BRPF3: variants seen among roughly 807,000 people sequenced by gnomAD.
BRPF3 encodes bromodomain and PHD finger-containing protein 3.
BRPF3 carries 18 observed loss-of-function variants against 102.0 expected under a neutral mutation model. The observed-to-expected ratio is 0.18, with a 90% CI of 0.12 to 0.26. BRPF3 has a LOEUF of 0.26. BRPF3 is among the 10% of genes least tolerant of loss of function. The pLI is 1.00. For missense variants in BRPF3, 1,147 were observed against 1,567.8 expected (o/e 0.73, Z 4.53); for synonymous variants, 570 against 614.2 (o/e 0.93, Z 1.06).
Position 36,230,530 on chromosome 6 carries a change from A to G in BRPF3, c.3539A>G (p.Gln1180Arg). ...GRKTSIRKSV[Q>R]VAYDRAMIHL... ...AAGACCAGCATCCGCAAGTCAGTGC[A>G]GGTGGCCTATGACCGTGCGATGATC... is the stretch of plus-strand genomic sequence containing the variant. Residue 1180 changes from glutamine to arginine, a missense_variant, in exon 13 of 13, where the codon CAG (glutamine) becomes CGG (arginine). Physicochemically the swap from Gln to Arg is conservative, Grantham distance 43. Transcript: ENST00000357641. This position sits in a 1 kb window ranked among gnomAD's most constrained non-coding sequence, Gnocchi z 5.4. 1.9e-6 allele frequency: 3 copies of G among 1,614,224 alleles called. No homozygotes were observed. Among genetic ancestry groups the G allele is most frequent in the Non-Finnish European group, 2.5e-6 (3 of 1,180,022 alleles).
Position 36,200,533 on chromosome 6 carries a change from A to C in BRPF3, c.211A>C (p.Ile71Leu). The C allele has an allele frequency of 1.2e-6, 2 of 1,614,258 alleles. No individual in the cohort carries two copies. Among genetic ancestry groups the C allele is most frequent in the Non-Finnish European group, 1.7e-6 (2 of 1,180,056 alleles). The change falls in exon 2 of 13, where the codon ATC becomes CTC. Residue 71 changes from isoleucine to leucine, a missense_variant. Around this residue, in one of 11 missense-constraint regions of BRPF3, gnomAD observed 221 missense variants for 337.1 expected, o/e 0.66. Transcript: ENST00000357641. The surrounding 1 kb of genome is among the most constrained non-coding windows in gnomAD (Gnocchi z 5.3). Reference protein sequence around the residue: ...ITEDELTAQDITECNSNKENS... With the variant: ...ITEDELTAQDLTECNSNKENS... ...TGAAGATGAGCTAACTGCCCAGGAT[A>C]TCACCGAATGCAATAGTAACAAGGA...
chr6:36,219,859 C>A (rs963853610), intron 9 of BRPF3, among the ~76,000 whole-genome samples: 1 of 152,168 alleles, frequency 6.6e-6, no homozygotes, highest in East Asian at 1.9e-4. Context: ...TAACCCATCC[C>A]CCACACTCCC....
At position 36,200,888 on chromosome 6, in the gene BRPF3, A is replaced by G. The variant is rs1047819954; in HGVS notation, c.566A>G (p.Asp189Gly). Residue 189 changes from aspartate to glycine, a missense_variant, in exon 2 of 13, where the codon GAC becomes GGC. This residue lies in a region of BRPF3 where 221 missense variants were observed against 337.1 expected (regional missense o/e 0.66). Transcript: ENST00000357641. This position sits in a 1 kb window ranked among gnomAD's most constrained non-coding sequence, Gnocchi z 5.3. ...VSADTFELLV[D>G]RLEKESYLES... ...GCAGATACCTTTGAGCTGCTGGTAG[A>G]CCGGCTTGAGAAAGAGTCATACTTG... 2 of 1,614,078 alleles carry G rather than the reference A, an allele frequency of 1.2e-6. No individual in the cohort carries two copies. The highest frequency in any genetic ancestry group is 2.7e-5 in the African/African-American group (2 of 74,918).
rs1228356735 is a variant in BRPF3 at position 36,207,176 on chromosome 6, G to A, written c.1606-137G>A. ...TCAGGAGGAAGGCATGGGGTAGAGA[G>A]GGGTGGAAGGGCTCTTGGAACTGTG... On this transcript the variant is annotated intron_variant, in intron 3 of 12. Coordinates refer to ENST00000357641, the MANE Select transcript of BRPF3 (RefSeq NM_015695.3). The A allele has an allele frequency of 4.7e-6, 5 of 1,060,968 alleles. No homozygotes were observed. The East Asian group carries it at 1.2e-4, about 26-fold the overall frequency. 65.7% of individuals were successfully genotyped at this position (1,060,968 alleles called of 1,614,324 possible).
intron 1 of BRPF3, among the ~76,000 whole-genome samples, chr6:36,199,213 TCAGCGGCTG>T (rs1435057975): frequency 6.6e-6 from 1 of 152,178 alleles, no homozygotes; most frequent in East Asian, 1.9e-4. Flanking sequence ...TCCTGTCAGA[TCAGCGGCTG>T]CTTTGGATTC....
At chr6:36,215,170 G>A (rs971601999) in intron 8 of BRPF3, among the ~76,000 whole-genome samples, 2 of 152,052 alleles carry the variant, frequency 1.3e-5, no homozygotes, top group African/African-American at 4.8e-5. Context: ...AGGCTAGAGT[G>A]CAGTGGCATG....
In BRPF3 at chr6:36,210,410, G is replaced by A. The variant is rs1407837045; in HGVS notation, c.2061G>A (p.Gly687=). The change falls in exon 6 of 13, where the codon GGG becomes GGA. Residue 687 remains glycine (G), a synonymous_variant. Coordinates refer to ENST00000357641, the MANE Select transcript of BRPF3 (RefSeq NM_015695.3). This position sits in a 1 kb window ranked among gnomAD's most constrained non-coding sequence, Gnocchi z 4.7. ...RAAVRLRDLG[G]AILRHARRQA... ...CTGTCCGCCTGCGGGACCTGGGAGG[G>A]GCCATCCTACGGCACGCCCGGCGGC... 6.2e-7 allele frequency: 1 copy of A among 1,613,874 alleles called. No homozygotes were observed. The highest frequency in any genetic ancestry group is 8.5e-7 in the Non-Finnish European group (1 of 1,180,032).
intron 9 of BRPF3, among the ~76,000 whole-genome samples, chr6:36,218,461 CTTTT>C (rs547108095): frequency 1.5e-5 from 2 of 134,446 alleles, no homozygotes; most frequent in African/African-American, 2.7e-5. Flanking sequence ...TTGGAATTGC[CTTTT>C]TTTTTTTTTT....
intron 9 of BRPF3, 89 bp from the exon 10 acceptor site, chr6:36,222,079 T>G (rs1169757426): frequency 1.5e-6 from 2 of 1,307,774 alleles, no homozygotes; most frequent in South Asian, 1.3e-5. Flanking sequence ...GCTCCACTCC[T>G]GTCAGAGAGG....
chr6:36,205,500 C>T (rs72848509), intron 3 of BRPF3, among the ~76,000 whole-genome samples: 2,091 of 152,312 alleles, frequency 0.014, 25 homozygotes, highest in South Asian at 0.046. Flanking sequence ...AAGCCTGTAT[C>T]TGGCCCGCCT....
chr6:36,202,417 C>A (rs556775150), intron 2 of BRPF3, among the ~76,000 whole-genome samples: 1 of 140,594 alleles, frequency 7.1e-6, no homozygotes, highest in Non-Finnish European at 1.6e-5. Context: ...TGGACCCCCC[C>A]CCCCTCCGCC....
At chr6:36,221,422 G>A (rs115432831) in intron 9 of BRPF3, among the ~76,000 whole-genome samples, 2,916 of 151,848 alleles carry the variant, frequency 0.019, 78 homozygotes, top group African/African-American at 0.065. Context: ...GAGTAGCTGG[G>A]AGTACAGACA....
chr6:36,226,135 G>A (rs576866242), intron 11 of BRPF3, among the ~76,000 whole-genome samples: 108 of 152,268 alleles, frequency 7.1e-4, no homozygotes, highest in Non-Finnish European at 1.2e-3. Flanking sequence ...TAAACAGTTG[G>A]CAATAAACAT....
Position 36,210,110 on chromosome 6 carries a change from C to G in BRPF3, c.1867-106C>G. The G allele has an allele frequency of 1.4e-6, 2 of 1,472,016 alleles. No homozygotes were observed. Among genetic ancestry groups the G allele is most frequent in the South Asian group, 2.4e-5 (2 of 84,990 alleles). The allele number at this position is 1,472,016 out of a possible 1,614,324, so 91.2% of individuals were successfully genotyped here. On this transcript the variant is annotated intron_variant, in intron 5 of 12. Transcript: ENST00000357641. The surrounding 1 kb of genome is among the most constrained non-coding windows in gnomAD (Gnocchi z 4.7). Reference sequence around the variant, plus strand: ...CAGGACTGTAGGTCTTTGAGTTAGCCTGGCATGGCCAAATCAGAAATTGAG... The same window carrying G: ...CAGGACTGTAGGTCTTTGAGTTAGCGTGGCATGGCCAAATCAGAAATTGAG...
At chr6:36,213,096 A>G (rs1369707398) in intron 7 of BRPF3, among the ~76,000 whole-genome samples, 3 of 152,224 alleles carry the variant, frequency 2.0e-5, no homozygotes, top group African/African-American at 7.2e-5. Flanking sequence ...GGTGATGTGA[A>G]ATAAAATCGA....
intron 11 of BRPF3, among the ~76,000 whole-genome samples, chr6:36,226,341 A>G (rs987890597): frequency 2.6e-5 from 4 of 152,164 alleles, no homozygotes; most frequent in African/African-American, 9.7e-5. Context: ...TAAAAATTCA[A>G]TTTTTACCAC....
Position 36,200,884 on chromosome 6 carries a change from G to A in BRPF3, c.562G>A (p.Val188Ile), listed in dbSNP as rs776133125. 6.3e-5 allele frequency: 102 copies of A among 1,614,116 alleles called. No homozygotes were observed. The highest frequency in any genetic ancestry group is 8.1e-5 in the Non-Finnish European group (95 of 1,180,042). ...GTCTGCAGATACCTTTGAGCTGCTG[G>A]TAGACCGGCTTGAGAAAGAGTCATA... Reference protein sequence around the residue: ...LVSADTFELLVDRLEKESYLE... With the variant: ...LVSADTFELLIDRLEKESYLE... Residue 188 changes from valine to isoleucine, a missense_variant, in exon 2 of 13, where the codon GTA becomes ATA. Physicochemically the swap from Val to Ile is conservative, Grantham distance 29 (BLOSUM62 3). Around this residue, in one of 11 missense-constraint regions of BRPF3, gnomAD observed 221 missense variants for 337.1 expected, o/e 0.66. Coordinates refer to ENST00000357641, the MANE Select transcript of BRPF3 (RefSeq NM_015695.3). The surrounding 1 kb of genome is among the most constrained non-coding windows in gnomAD (Gnocchi z 5.3).
Position 36,232,046 on chromosome 6 carries a change from C to CA in BRPF3, c.*1438dup, listed in dbSNP as rs1334770941. 1 of 152,612 alleles carries CA rather than the reference C, an allele frequency of 6.6e-6. No homozygotes were observed. The highest frequency in any genetic ancestry group is 1.9e-4 in the East Asian group (1 of 5,202). The allele number at this position is 152,612 out of a possible 1,614,324, so 9.5% of individuals were successfully genotyped here. A position where few individuals can be genotyped will look rare whatever the true frequency, so the allele number is the denominator to read the frequency against. ...ACTGGGGAGATCACTGCCATTTTTA[C>CA]ACACTTGACTTTTTAAAAATACAAC... On this transcript the variant is annotated 3_prime_UTR_variant, in exon 13 of 13. Coordinates refer to ENST00000357641, the MANE Select transcript of BRPF3 (RefSeq NM_015695.3).
At chr6:36,207,256 G>A in intron 3 of BRPF3, 57 bp from the exon 4 acceptor site, 1 of 1,591,962 alleles carries the variant, frequency 6.3e-7, no homozygotes, top group South Asian at 1.1e-5. Context: ...GGCTTGAACA[G>A]GGAGAGGACT....
Sources: gnomAD v4.1 joint callset for allele counts (sites outside exome capture counted in the v4.1 genomes callset) on GRCh38, gnomAD v4.1.1 for gene constraint, gnomAD v4.1.1 regional missense constraint, Gnocchi (gnomAD v3.1) non-coding constraint, MANE v1.5 for transcripts, NCBI Gene and HGNC (gene_info 2026-07-23, HGNC 2026-07-21) for gene names.